Variants in CASD1 observed in about 807,000 individuals in gnomAD.
CASD1 encodes CAS1 domain sialic acid O acetyltransferase 1.
Under a neutral mutation model 100.0 loss-of-function variants are expected in CASD1, and 41 were observed. The observed-to-expected ratio is 0.41, with a 90% CI of 0.32 to 0.53. CASD1 has a LOEUF of 0.53. Ranked by LOEUF, CASD1 falls within the 20% of genes least tolerant of loss-of-function variation. CASD1 has a pLI of 0.25. For synonymous variants in CASD1, 321 were observed against 315.6 expected (o/e 1.02, Z -0.18); for missense variants, 774 against 948.7 (o/e 0.82, Z 2.42).
At chr7:94,574,113 G>A in the CASD1 span, among the ~76,000 whole-genome samples, 57 of 152,032 alleles carry the variant, frequency 3.7e-4, no homozygotes, top group African/African-American at 1.3e-3. Flanking sequence ...TTTGATGTGC[G>A]CTGGATTCAG....
At chr7:94,617,462 C>T in the CASD1 span, 3 of 152,196 alleles carry the variant, frequency 2.0e-5, no homozygotes, top group African/African-American at 7.2e-5. Flanking sequence ...CTTAAGAAAA[C>T]TGTTTTAAAA....
the CASD1 span, among the ~76,000 whole-genome samples, chr7:94,607,645 T>C: frequency 6.6e-6 from 1 of 152,072 alleles, no homozygotes; most frequent in Non-Finnish European, 1.5e-5. Context: ...TAGAGGGGAA[T>C]TTCCTCAATT....
intron 16 of CASD1, chr7:94,553,935 A>G (rs1796077700): frequency 1.3e-5 from 2 of 152,140 alleles, no homozygotes. Context: ...CGGGAGAGAA[A>G]AGATCCAGAG....
rs2116445558 is a variant in CASD1, at chr7:94,556,767, T to G, written c.*1009T>G. Reference sequence around the variant, plus strand: ...GAATTTGGGCAATAAATGTTTTTGCTTTTTGTTTGATTTTTTTTTACAAGC... The same window carrying G: ...GAATTTGGGCAATAAATGTTTTTGCGTTTTGTTTGATTTTTTTTTACAAGC... On this transcript the variant is annotated 3_prime_UTR_variant, in exon 18 of 18. Coordinates refer to ENST00000297273, the MANE Select transcript of CASD1 (RefSeq NM_022900.5). The G allele has an allele frequency of 2.0e-5, 3 of 152,042 alleles. 1 individual carries two copies. In the Middle Eastern group the frequency reaches 0.01, roughly 517 times the overall value. The allele number at this position is 152,042 out of a possible 1,614,324, so 9.4% of individuals were successfully genotyped here.
At chr7:94,620,904 T>C in the CASD1 span, 3 of 152,322 alleles carry the variant, frequency 2.0e-5, no homozygotes, top group Middle Eastern at 3.4e-3. Flanking sequence ...TTTCTAACTC[T>C]GGGGAAATCC....
chr7:94,593,706 G>A, the CASD1 span, among the ~76,000 whole-genome samples: 2 of 152,064 alleles, frequency 1.3e-5, no homozygotes, highest in Non-Finnish European at 2.9e-5. Context: ...AGGCTGAGAA[G>A]TATAAACTCC....
intron 5 of CASD1, among the ~76,000 whole-genome samples, 181 bp from the exon 6 acceptor site, chr7:94,533,024 T>C (rs1490022780): frequency 6.6e-6 from 1 of 152,194 alleles, no homozygotes; most frequent in Non-Finnish European, 1.5e-5. Flanking sequence ...ATTTTAGGCA[T>C]TGGATATCCT....
chr7:94,571,598 G>C, the CASD1 span, among the ~76,000 whole-genome samples: 1 of 152,122 alleles, frequency 6.6e-6, no homozygotes, highest in South Asian at 2.1e-4. Flanking sequence ...GTGGTAGAAA[G>C]CTTAGGGAAA....
chr7:94,562,074 G>T, the CASD1 span, among the ~76,000 whole-genome samples: 1 of 152,054 alleles, frequency 6.6e-6, no homozygotes, highest in Non-Finnish European at 1.5e-5. Context: ...TCTTTTTGTG[G>T]AGTCTGAAGT....
At chr7:94,617,334 GA>G in the CASD1 span, 1 of 152,224 alleles carries the variant, frequency 6.6e-6, no homozygotes, top group African/African-American at 2.4e-5. Context: ...CACTACTAAC[GA>G]GAAAAAGTGA....
chr7:94,572,297 A>G, the CASD1 span, among the ~76,000 whole-genome samples: 2 of 152,070 alleles, frequency 1.3e-5, no homozygotes, highest in South Asian at 4.1e-4. Flanking sequence ...TTTGGTCAAC[A>G]TTTTCCTGGA....
the CASD1 span, chr7:94,598,785 G>C: frequency 6.2e-7 from 1 of 1,608,122 alleles, no homozygotes; most frequent in Non-Finnish European, 8.5e-7. Flanking sequence ...TGCTGCGTTT[G>C]CATCAATGGC....
Position 94,528,257 on chromosome 7 carries a change from A to G in CASD1, c.459+7A>G. On this transcript the variant is annotated splice_region_variant and intron_variant, in intron 5 of 17. Transcript: ENST00000297273. Reference sequence around the variant, plus strand: ...TATCAAAGTGTGGACTGAGGTCTGTATTTAAAAAACATAGGCTTTTTTTTT... The same window carrying G: ...TATCAAAGTGTGGACTGAGGTCTGTGTTTAAAAAACATAGGCTTTTTTTTT... 6.5e-7 allele frequency: 1 copy of G among 1,546,394 alleles called. No individual in the cohort carries two copies. Among genetic ancestry groups the G allele is most frequent in the Non-Finnish European group, 8.7e-7 (1 of 1,146,676 alleles).
At chr7:94,533,063 CAAT>C (rs1226163618) in intron 5 of CASD1, 139 bp from the exon 6 acceptor site, 3 of 489,330 alleles carry the variant, frequency 6.1e-6, no homozygotes, top group Non-Finnish European at 1.1e-5. Flanking sequence ...CAATAATAAG[CAAT>C]AATAATAAGG....
At chr7:94,608,079 C>G in the CASD1 span, among the ~76,000 whole-genome samples, 1 of 152,180 alleles carries the variant, frequency 6.6e-6, no homozygotes, top group Non-Finnish European at 1.5e-5. Flanking sequence ...TGTGATGGCT[C>G]ACACCTGTAA....
At chr7:94,575,230 G>T in the CASD1 span, among the ~76,000 whole-genome samples, 1 of 152,138 alleles carries the variant, frequency 6.6e-6, no homozygotes, top group Non-Finnish European at 1.5e-5. Flanking sequence ...GTGTCTCAGA[G>T]ATTCTGGTAT....
intron 11 of CASD1, among the ~76,000 whole-genome samples, chr7:94,544,947 A>G (rs1297283956): frequency 6.6e-6 from 1 of 152,144 alleles, no homozygotes; most frequent in Non-Finnish European, 1.5e-5. Context: ...TTATATTTAC[A>G]GATGAGGAAT....
downstream of CASD1, among the ~76,000 whole-genome samples, chr7:94,559,562 C>T (rs1796306617): frequency 6.6e-6 from 1 of 152,030 alleles, no homozygotes; most frequent in African/African-American, 2.4e-5. Flanking sequence ...GTCTCGCTCT[C>T]TTGCCCAGGC....
At chr7:94,537,394 G>T in intron 8 of CASD1, 78 bp from the exon 9 acceptor site, 1 of 1,305,020 alleles carries the variant, frequency 7.7e-7, no homozygotes, top group Non-Finnish European at 1.1e-6. Context: ...TAAAAACTCA[G>T]TAGTATTCAC....
Sources: allele counts gnomAD v4.1 joint callset (sites outside exome capture counted in the v4.1 genomes callset), GRCh38; gene constraint gnomAD v4.1.1; transcripts MANE v1.5; gene names NCBI Gene and HGNC (gene_info 2026-07-23, HGNC 2026-07-21).